The following CNKSR2 variants were observed in gnomAD, a reference collection of about 807,000 sequenced individuals.
The protein encoded by CNKSR2 is connector enhancer of kinase suppressor of Ras 2, also known as CNK homolog protein 2.
Under a neutral mutation model 84.4 loss-of-function variants are expected in CNKSR2, and 14 were observed. The ratio of observed to expected loss-of-function variants is 0.17; its 90% CI spans 0.11 to 0.26. The LOEUF is 0.26. CNKSR2 is among the 10% of genes least tolerant of loss of function. CNKSR2 has a pLI of 1.00. For synonymous variants in CNKSR2, 275 were observed against 277.9 expected (o/e 0.99, Z 0.10); for missense variants, 485 against 771.2 (o/e 0.63, Z 4.40).
intron 20 of CNKSR2, among the ~76,000 whole-genome samples, chrX:21,632,291 G>A (rs1569284995): frequency 9.0e-6 from 1 of 111,416 alleles, no homozygotes; most frequent in South Asian, 3.8e-4. Flanking sequence ...CCACTTCCCT[G>A]GCTGACTTTT....
chrX:21,538,956 T>G (rs943923719), intron 11 of CNKSR2: 1 of 112,069 alleles, frequency 8.9e-6, no homozygotes, highest in Non-Finnish European at 1.9e-5. Context: ...AGGGTGGGTC[T>G]TCTTCTCCCA....
At chrX:21,420,528 A>G (rs1042127650) in intron 1 of CNKSR2, among the ~76,000 whole-genome samples, 11 of 111,771 alleles carry the variant, frequency 9.8e-5, no homozygotes, top group Non-Finnish European at 1.9e-4. Flanking sequence ...CCTGAAGCCA[A>G]CAAGTCTCAC....
intron 9 of CNKSR2, among the ~76,000 whole-genome samples, chrX:21,525,471 T>G (rs919265154): frequency 1.3e-4 from 14 of 111,216 alleles, no homozygotes; most frequent in Non-Finnish European, 2.7e-4. Flanking sequence ...TTATCATTCC[T>G]TTTCCCTTTC....
rs1377475800 is a variant in CNKSR2, at chrX:21,513,818, G to A, written c.811-2667G>A. On this transcript the variant is annotated intron_variant, in intron 8 of 21. Coordinates refer to ENST00000379510, the MANE Select transcript of CNKSR2 (RefSeq NM_014927.5). ...TTGCCTTTCTGGTTCTGCAGTTTTG[G>A]TGGAAATTTTCCATCCATAACAAAC... 1.8e-5 allele frequency among the ~76,000 whole-genome samples: 2 copies of A among 111,687 alleles called. 1 individual carries two copies. The highest frequency in any genetic ancestry group is 5.6e-4 in the East Asian group (2 of 3,550).
At chrX:21,497,948 C>T (rs942867835) in intron 7 of CNKSR2, 102 bp downstream of exon 7, 2 of 455,713 alleles carry the variant, frequency 4.4e-6, no homozygotes, top group South Asian at 3.8e-5. Context: ...AGGATAAGGA[C>T]ATGAACAGAT....
intron 4 of CNKSR2, among the ~76,000 whole-genome samples, chrX:21,454,469 C>T (rs192056861): frequency 1.9e-4 from 21 of 111,975 alleles, no homozygotes; most frequent in Non-Finnish European, 3.2e-4. Flanking sequence ...AACAATTTGA[C>T]GGTAGGAATT....
intron 3 of CNKSR2, among the ~76,000 whole-genome samples, chrX:21,437,511 C>T (rs372657826): frequency 2.9e-5 from 3 of 103,636 alleles, no homozygotes; most frequent in South Asian, 4.7e-4. Context: ...CCTCTGCTGC[C>T]CAGGTTCAAG....
intron 11 of CNKSR2, among the ~76,000 whole-genome samples, chrX:21,535,917 G>C (rs182695001): frequency 2.7e-5 from 3 of 111,483 alleles, no homozygotes; most frequent in Non-Finnish European, 5.7e-5. Context: ...AATAGGAGTT[G>C]TGAAAGTGCT....
intron 1 of CNKSR2, 73 bp from the exon 2 acceptor site, chrX:21,426,424 T>A (rs1303213994): frequency 9.9e-7 from 1 of 1,012,798 alleles, no homozygotes; most frequent in Non-Finnish European, 1.4e-6. Flanking sequence ...TAATGCTTGC[T>A]TCTAACCCAC....
At chrX:21,430,898 C>G (rs1407648522) in intron 2 of CNKSR2, among the ~76,000 whole-genome samples, 2 of 112,109 alleles carry the variant, frequency 1.8e-5, no homozygotes, top group Non-Finnish European at 3.8e-5. Flanking sequence ...TTTGCCCAAG[C>G]AAATCTTTTA....
chrX:21,496,655 T>C (rs2091503417), intron 6 of CNKSR2, among the ~76,000 whole-genome samples: 1 of 111,471 alleles, frequency 9.0e-6, no homozygotes, highest in Admixed American at 9.6e-5. Flanking sequence ...TGAAGACACA[T>C]GTATTTTCAG....
chrX:21,544,559 A>C (rs2092005021), intron 11 of CNKSR2, among the ~76,000 whole-genome samples: 1 of 112,568 alleles, frequency 8.9e-6, no homozygotes, highest in Admixed American at 9.3e-5. Context: ...GTAATGGATA[A>C]AACAGTAAGA....
intron 1 of CNKSR2, among the ~76,000 whole-genome samples, chrX:21,420,127 T>G (rs1325669176): frequency 2.7e-5 from 3 of 112,403 alleles, no homozygotes; most frequent in Non-Finnish European, 5.6e-5. Context: ...TTCTTCCCAC[T>G]CTTCTCTCCC....
chrX:21,573,166 C>T (rs948379539), intron 13 of CNKSR2, among the ~76,000 whole-genome samples: 3 of 112,413 alleles, frequency 2.7e-5, no homozygotes, highest in Non-Finnish European at 5.6e-5. Flanking sequence ...CCATGTCTCA[C>T]ATTTAGGTCA....
At chrX:21,464,242 G>A (rs1292598654) in intron 4 of CNKSR2, among the ~76,000 whole-genome samples, 3 of 111,851 alleles carry the variant, frequency 2.7e-5, no homozygotes, top group South Asian at 3.7e-4. Flanking sequence ...CTATAACAAC[G>A]TCAGAGCTGA....
rs751695448 is a variant in CNKSR2, at chrX:21,609,309, C to T, written c.2384C>T (p.Ser795Phe). The T allele has an allele frequency of 6.6e-6, 8 of 1,211,678 alleles. No homozygotes were observed. In the Admixed American group the frequency reaches 1.7e-4, roughly 26 times the overall value. ...CTGCCCCTGGAGGATTCTGTCTTCTCTGACTCCGCGGCCATCTCCCCAGAG... is the reference window on the plus strand; with the variant it reads ...CTGCCCCTGGAGGATTCTGTCTTCTTTGACTCCGCGGCCATCTCCCCAGAG... ...QTLPLEDSVF[S>F]DSAAISPEHR... The change falls in exon 20 of 22, where the codon TCT becomes TTT. Residue 795 changes from serine (S) to phenylalanine (F), a missense_variant. By Grantham distance (155) the Ser-to-Phe change is radical. Coordinates refer to ENST00000379510, the MANE Select transcript of CNKSR2 (RefSeq NM_014927.5).
At chrX:21,598,215 G>A (rs1025753078) in intron 17 of CNKSR2, among the ~76,000 whole-genome samples, 5 of 110,911 alleles carry the variant, frequency 4.5e-5, no homozygotes, top group African/African-American at 1.3e-4. Flanking sequence ...ATTAAAAACT[G>A]ATTTTTTTCT....
chrX:21,447,549 G>A (rs2090871397), intron 4 of CNKSR2, among the ~76,000 whole-genome samples: 1 of 111,140 alleles, frequency 9.0e-6, no homozygotes. Flanking sequence ...TAGAAAGGTG[G>A]GTTAGGCTAT....
At chrX:21,531,538 C>A (rs1239270244) in intron 10 of CNKSR2, among the ~76,000 whole-genome samples, 1 of 111,017 alleles carries the variant, frequency 9.0e-6, no homozygotes, top group Admixed American at 9.6e-5. Context: ...CTCTCTTGAA[C>A]ACTAAAAGCA....
Sources: allele counts gnomAD v4.1 joint callset (sites outside exome capture counted in the v4.1 genomes callset), GRCh38; gene constraint gnomAD v4.1.1; transcripts MANE v1.5; gene names NCBI Gene and HGNC (gene_info 2026-07-23, HGNC 2026-07-21).